FBXL7: variants seen among roughly 807,000 people sequenced by gnomAD.
FBXL7 encodes F-box and leucine rich repeat protein 7.
In FBXL7, 12 loss-of-function variants were observed where a neutral mutation model predicts 38.3. That is an observed-to-expected ratio of 0.31 (90% confidence interval 0.20 to 0.51). The LOEUF (loss-of-function observed/expected upper bound fraction) is 0.51, where lower values mean the gene tolerates loss of function less well. Ranked by LOEUF, FBXL7 falls within the 20% of genes least tolerant of loss-of-function variation. The pLI, the probability that FBXL7 is intolerant of heterozygous loss-of-function variation, is 0.98. For missense variants in FBXL7, 567 were observed against 676.4 expected (o/e 0.84, Z 1.79); for synonymous variants, 297 against 300.9 (o/e 0.99, Z 0.13).
chr5:15,852,732 C>T (rs17524827), intron 2 of FBXL7, among the ~76,000 whole-genome samples: 2,537 of 151,580 alleles, frequency 0.017, 18 homozygotes, highest in South Asian at 0.026. Context: ...CTCCTCTTTG[C>T]TTCATGAATT....
intron 1 of FBXL7, among the ~76,000 whole-genome samples, chr5:15,568,871 C>G (rs200677908): frequency 0.55 from 83,583 of 151,680 alleles, 23,918 homozygotes; most frequent in African/African-American, 0.7. Flanking sequence ...TCTTGTTTTT[C>G]TCAGGTTTGT....
intron 2 of FBXL7, among the ~76,000 whole-genome samples, chr5:15,921,362 C>T (rs1028202747): frequency 4.2e-5 from 5 of 118,716 alleles, no homozygotes; most frequent in African/African-American, 1.7e-4. Context: ...GCCTGGGTGA[C>T]AGAACAAGAC....
At chr5:15,880,134 A>G (rs944437278) in intron 2 of FBXL7, among the ~76,000 whole-genome samples, 3 of 152,118 alleles carry the variant, frequency 2.0e-5, no homozygotes, top group African/African-American at 7.2e-5. Context: ...AATCACGGCT[A>G]CTATTACCTC....
intron 1 of FBXL7, among the ~76,000 whole-genome samples, chr5:15,521,749 GAA>G (rs576784151): frequency 9.8e-5 from 15 of 152,300 alleles, no homozygotes; most frequent in African/African-American, 3.1e-4. Context: ...GAAGGATAAA[GAA>G]ACTCTCAAAT....
chr5:15,797,705 G>A (rs1051883990), intron 2 of FBXL7, among the ~76,000 whole-genome samples: 1 of 152,144 alleles, frequency 6.6e-6, no homozygotes. Flanking sequence ...TCTAAAATCA[G>A]TATTCTTTGA....
chr5:15,763,833 T>C (rs1052066825), intron 2 of FBXL7, among the ~76,000 whole-genome samples: 1 of 152,190 alleles, frequency 6.6e-6, no homozygotes, highest in Non-Finnish European at 1.5e-5. Flanking sequence ...GGATTTATTA[T>C]GGGAATAGGC....
chr5:15,778,700 AG>A (rs1198757130), intron 2 of FBXL7, among the ~76,000 whole-genome samples: 5 of 152,240 alleles, frequency 3.3e-5, no homozygotes. Flanking sequence ...GGATCTTTAA[AG>A]GGAGAGAGAA....
In FBXL7 at chr5:15,878,817, C is replaced by T. The variant is rs575986588; in HGVS notation, c.128-49073C>T. ...AGGGTCTTCATATATTCTTTCCTAG[C>T]CTCCTTCTCACTTTTCAAGCTGCCC... On this transcript the variant is annotated intron_variant, in intron 2 of 3. Coordinates refer to ENST00000504595, the MANE Select transcript of FBXL7 (RefSeq NM_012304.5). 9.9e-5 allele frequency among the ~76,000 whole-genome samples: 15 copies of T among 152,230 alleles called. 1 individual carries two copies. The highest frequency in any genetic ancestry group is 3.6e-4 in the African/African-American group (15 of 41,526).
In FBXL7 at chr5:15,508,853, TTTTC is replaced by T. The variant is rs532172535; in HGVS notation, c.37+8144_37+8147del. On this transcript the variant is annotated intron_variant, in intron 1 of 3. Coordinates refer to ENST00000504595, the MANE Select transcript of FBXL7 (RefSeq NM_012304.5). ...GATATTAATTTTGAAAATCTACCAATTTTCTTTATTTCTTTGCCTTTGGTGGGAG... is the reference window on the plus strand; with the variant it reads ...GATATTAATTTTGAAAATCTACCAATTTTATTTCTTTGCCTTTGGTGGGAG... Among the ~76,000 whole-genome samples the T allele has an allele frequency of 1.1e-4, 17 of 152,284 alleles. No individual in the cohort carries two copies. The East Asian group carries it at 3.1e-3, about 28-fold the overall frequency.
chr5:15,657,077 C>A (rs549848268), intron 2 of FBXL7, among the ~76,000 whole-genome samples: 1 of 152,104 alleles, frequency 6.6e-6, no homozygotes, highest in African/African-American at 2.4e-5. Context: ...GGACATAAAA[C>A]AAAACCCAAA....
At chr5:15,803,739 T>C (rs1737632282) in intron 2 of FBXL7, among the ~76,000 whole-genome samples, 1 of 152,230 alleles carries the variant, frequency 6.6e-6, no homozygotes, top group East Asian at 1.9e-4. Context: ...TAAATTTTGA[T>C]AGCATCTTTT....
At chr5:15,542,288 A>G (rs1318338524) in intron 1 of FBXL7, among the ~76,000 whole-genome samples, 1 of 151,842 alleles carries the variant, frequency 6.6e-6, no homozygotes, top group Non-Finnish European at 1.5e-5. Context: ...GATTTGTTTC[A>G]TTTGCTTTTC....
intron 2 of FBXL7, among the ~76,000 whole-genome samples, chr5:15,912,886 A>T (rs1038237859): frequency 6.6e-6 from 1 of 152,192 alleles, no homozygotes; most frequent in South Asian, 2.1e-4. Flanking sequence ...TAGTAGGCCC[A>T]GGGAACTACC....
At chr5:15,860,410 G>C (rs951057195) in intron 2 of FBXL7, among the ~76,000 whole-genome samples, 4 of 152,002 alleles carry the variant, frequency 2.6e-5, no homozygotes, top group Non-Finnish European at 4.4e-5. Flanking sequence ...TTTATTCTTT[G>C]TATCTCTTGT....
At chr5:15,605,004 C>T (rs1739957504) in intron 1 of FBXL7, among the ~76,000 whole-genome samples, 1 of 152,154 alleles carries the variant, frequency 6.6e-6, no homozygotes, top group Non-Finnish European at 1.5e-5. Context: ...CTTTGCTGTT[C>T]TGAATTCACT....
At chr5:15,551,672 A>G (rs1738075206) in intron 1 of FBXL7, among the ~76,000 whole-genome samples, 1 of 152,230 alleles carries the variant, frequency 6.6e-6, no homozygotes, top group Non-Finnish European at 1.5e-5. Flanking sequence ...TTTATAAAAC[A>G]TATTAAGGAA....
chr5:15,569,902 G>C (rs1212451557), intron 1 of FBXL7, among the ~76,000 whole-genome samples: 1 of 152,154 alleles, frequency 6.6e-6, no homozygotes, highest in Non-Finnish European at 1.5e-5. Flanking sequence ...TTATTGATTT[G>C]CATATGTTGA....
Position 15,562,540 on chromosome 5 carries a change from AC to A in FBXL7, c.38-53442del, listed in dbSNP as rs535954132. On this transcript the variant is annotated intron_variant, in intron 1 of 3. Coordinates refer to ENST00000504595, the MANE Select transcript of FBXL7 (RefSeq NM_012304.5). ...ATCATGATGTATTATTTTATACCTC[AC>A]TTTTTTTTAGTTGGCATTATATTCA... is the stretch of plus-strand genomic sequence containing the variant. Among the ~76,000 whole-genome samples the A allele has an allele frequency of 2.0e-5, 3 of 152,196 alleles. No individual in the cohort carries two copies. In the South Asian group the frequency reaches 6.2e-4, roughly 32 times the overall value.
intron 2 of FBXL7, among the ~76,000 whole-genome samples, chr5:15,801,018 C>T (rs533565953): frequency 1.3e-5 from 2 of 152,274 alleles, no homozygotes; most frequent in African/African-American, 4.8e-5. Flanking sequence ...CAAAGTCAGG[C>T]AGGACCTGAT....
Sources: allele counts gnomAD v4.1 joint callset (sites outside exome capture counted in the v4.1 genomes callset), GRCh38; gene constraint gnomAD v4.1.1; transcripts MANE v1.5; gene names NCBI Gene and HGNC (gene_info 2026-07-23, HGNC 2026-07-21).